The following HIF1A variants were observed in gnomAD, a reference collection of about 807,000 sequenced individuals.
HIF1A encodes the protein hypoxia-inducible factor 1-alpha.
A neutral mutation model predicts 92.7 loss-of-function variants in HIF1A; 24 were observed. The ratio of observed to expected loss-of-function variants is 0.26; its 90% confidence interval spans 0.19 to 0.36. The LOEUF (loss-of-function observed/expected upper bound fraction) is 0.36. Ranked by LOEUF, HIF1A falls within the 10% of genes least tolerant of loss-of-function variation. The probability of loss-of-function intolerance (pLI) is 1.00; values close to 1 mark genes in which losing one functional copy is unlikely to be tolerated. For missense variants in HIF1A, 799 were observed against 998.5 expected, an observed-to-expected ratio of 0.80 and a Z score of 2.69; for synonymous variants, 319 against 338.7, an observed-to-expected ratio of 0.94 and a Z score of 0.64.
intron 10 of HIF1A, among the ~76,000 whole-genome samples, chr14:61,739,247 C>A (rs1431542056): frequency 6.6e-6 from 1 of 152,082 alleles, no homozygotes; most frequent in Non-Finnish European, 1.5e-5. Context: ...TATTCTGGAT[C>A]TGTCTTGATA....
intron 7 of HIF1A, among the ~76,000 whole-genome samples, chr14:61,733,164 C>T (rs1326495910): frequency 6.6e-6 from 1 of 152,142 alleles, no homozygotes; most frequent in African/African-American, 2.4e-5. Context: ...CAGCTCACTG[C>T]AACCCCCGCC....
chr14:61,695,637 G>A lies in HIF1A; in HGVS notation c.-168G>A. On this transcript the variant is annotated 5_prime_UTR_variant, in exon 1 of 15. Coordinates refer to ENST00000337138, the MANE Select transcript of HIF1A (RefSeq NM_001530.4). ...GGCTCGGAGCCGGGCCCGGACCCCG[G>A]CGATTGCCGCCCGCTTCTCTCTAGT... The A allele has an allele frequency of 1.4e-6, 1 of 710,530 alleles. No homozygotes were observed. The highest frequency in any genetic ancestry group is 2.3e-6 in the Non-Finnish European group (1 of 434,566). The allele number at this position is 710,530 out of a possible 1,614,324, so 44.0% of individuals were successfully genotyped here. A position where few individuals can be genotyped will look rare whatever the true frequency, so the allele number is the denominator to read the frequency against.
chr14:61,705,707 C>A (rs1251342853), intron 1 of HIF1A, among the ~76,000 whole-genome samples: 1 of 152,158 alleles, frequency 6.6e-6, no homozygotes, highest in Non-Finnish European at 1.5e-5. Context: ...AGATCTGCCA[C>A]ACACTAATAG....
At chr14:61,708,091 A>T (rs935750019) in intron 1 of HIF1A, among the ~76,000 whole-genome samples, 2 of 152,148 alleles carry the variant, frequency 1.3e-5, no homozygotes, top group Admixed American at 6.6e-5. Context: ...GTCTTTTGGC[A>T]GCATAAATGT....
chr14:61,713,556 GC>G lies in HIF1A; in HGVS notation c.36-6824del, dbSNP rs1454230459. Among the ~76,000 whole-genome samples the G allele has an allele frequency of 7.9e-5, 12 of 152,222 alleles. 1 individual carries two copies. The highest frequency in any genetic ancestry group is 6.8e-3 in the Middle Eastern group (2 of 294). ...ATTTCAGTAGACTAAGGAGTGGGAG[GC>G]CATTTAAGCTCAAAGGCTATTCTAC... On this transcript the variant is annotated intron_variant, in intron 1 of 14. Transcript: ENST00000337138.
chr14:61,733,839 A>C (rs1007679277), intron 7 of HIF1A, among the ~76,000 whole-genome samples: 29 of 152,186 alleles, frequency 1.9e-4, no homozygotes, highest in African/African-American at 7.0e-4. Flanking sequence ...ATTATTCTCT[A>C]ATCTGACACC....
At chr14:61,728,461 T>A (rs1811352980) in intron 6 of HIF1A, among the ~76,000 whole-genome samples, 1 of 152,232 alleles carries the variant, frequency 6.6e-6, no homozygotes. Context: ...GTAAACTAAG[T>A]ATTACTGTAA....
intron 14 of HIF1A, among the ~76,000 whole-genome samples, 181 bp downstream of exon 14, chr14:61,745,998 C>T (rs2044779404): frequency 1.3e-5 from 2 of 152,002 alleles, no homozygotes; most frequent in African/African-American, 2.4e-5. Context: ...CCGAGGCAGC[C>T]AGATCATCTG....
chr14:61,714,228 C>T (rs944506779), intron 1 of HIF1A, among the ~76,000 whole-genome samples: 2 of 152,156 alleles, frequency 1.3e-5, no homozygotes, highest in African/African-American at 4.8e-5. Context: ...TCTGTGAAAA[C>T]ACTCAGGTTA....
chr14:61,738,296 C>G lies in HIF1A; in HGVS notation c.1459C>G (p.Leu487Val). ...AGAACCAAATCCAGAGTCACTGGAACTTTCTTTTACCATGCCCCAGATTCA... is the reference window on the plus strand; with the variant it reads ...AGAACCAAATCCAGAGTCACTGGAAGTTTCTTTTACCATGCCCCAGATTCA... ...KLEPNPESLE[L>V]SFTMPQIQDQ... is the part of the protein sequence containing the mutation. The change falls in exon 10 of 15, where the codon CTT becomes GTT. Residue 487 changes from leucine to valine, a missense_variant. Around this residue, in one of 2 missense-constraint regions of HIF1A, gnomAD observed 516 missense variants for 721.0 expected, o/e 0.72. Coordinates refer to ENST00000337138, the MANE Select transcript of HIF1A (RefSeq NM_001530.4). The G allele has an allele frequency of 1.2e-6, 2 of 1,614,116 alleles. No individual in the cohort carries two copies. The highest frequency in any genetic ancestry group is 1.7e-6 in the Non-Finnish European group (2 of 1,179,972).
chr14:61,715,464 C>T (rs2044353330), intron 1 of HIF1A: 1 of 152,110 alleles, frequency 6.6e-6, no homozygotes, highest in Non-Finnish European at 1.5e-5. Flanking sequence ...AAATACTTGC[C>T]TTGGTAATCA....
chr14:61,704,481 G>C (rs1276855758), intron 1 of HIF1A, among the ~76,000 whole-genome samples: 5 of 152,092 alleles, frequency 3.3e-5, no homozygotes, highest in Non-Finnish European at 7.4e-5. Flanking sequence ...TAAAGGAGGG[G>C]GAAATTAAGA....
In HIF1A at chr14:61,747,276, T is replaced by C; in HGVS notation, c.*191T>C. On this transcript the variant is annotated 3_prime_UTR_variant, in exon 15 of 15. Coordinates refer to ENST00000337138, the MANE Select transcript of HIF1A (RefSeq NM_001530.4). ...TTTTAGTATGTTCTTTAATGCTGGA[T>C]CACAGACAGCTCATTTTCTCAGTTT... The C allele has an allele frequency of 2.4e-6, 1 of 408,436 alleles. No individual in the cohort carries two copies. The highest frequency in any genetic ancestry group is 3.7e-5 in the East Asian group (1 of 27,000). 25.3% of individuals were successfully genotyped at this position (408,436 alleles called of 1,614,324 possible).
Position 61,695,722 on chromosome 14 carries a change from C to T in HIF1A, c.-83C>T, listed in dbSNP as rs2044104666. 1 of 1,450,274 alleles carries T rather than the reference C, an allele frequency of 6.9e-7. No individual in the cohort carries two copies. The highest frequency in any genetic ancestry group is 1.2e-5 in the South Asian group (1 of 81,750). 89.8% of individuals were successfully genotyped at this position (1,450,274 alleles called of 1,614,324 possible). ...CTGGACTTGCCTTTCCTTCTCTTCT[C>T]CGCGTGTGGAGGGAGCCAGCGCTTA... On this transcript the variant is annotated 5_prime_UTR_variant, in exon 1 of 15. Transcript: ENST00000337138.
intron 1 of HIF1A, among the ~76,000 whole-genome samples, chr14:61,709,480 C>A (rs2044282198): frequency 6.6e-6 from 1 of 151,930 alleles, no homozygotes; most frequent in Admixed American, 6.5e-5. Context: ...AACAGTGATT[C>A]TTTTCCCCGT....
At chr14:61,719,135 C>T (rs947372572) in intron 1 of HIF1A, among the ~76,000 whole-genome samples, 7 of 152,110 alleles carry the variant, frequency 4.6e-5, no homozygotes, top group African/African-American at 1.7e-4. Flanking sequence ...GGAGACAATT[C>T]GGTACTTCAT....
chr14:61,713,159 G>A (rs150569049), intron 1 of HIF1A, among the ~76,000 whole-genome samples: 3 of 152,056 alleles, frequency 2.0e-5, no homozygotes, highest in Non-Finnish European at 4.4e-5. Flanking sequence ...ATAAAGAGGT[G>A]GACAGGGAAC....
chr14:61,741,532 A>AT (rs1344991863), intron 12 of HIF1A, among the ~76,000 whole-genome samples: 1 of 150,784 alleles, frequency 6.6e-6, no homozygotes, highest in Non-Finnish European at 1.5e-5. Flanking sequence ...CGCCCGGCTG[A>AT]TTTTTTTGGT....
intron 13 of HIF1A, 37 bp from the exon 14 acceptor site, chr14:61,745,654 C>A: frequency 6.3e-7 from 1 of 1,582,258 alleles, no homozygotes; most frequent in South Asian, 1.2e-5. Context: ...AAAAAAAATT[C>A]AACAAACTAA....
Sources: gnomAD v4.1 joint callset for allele counts (sites outside exome capture counted in the v4.1 genomes callset) on GRCh38, gnomAD v4.1.1 for gene constraint, gnomAD v4.1.1 regional missense constraint, MANE v1.5 for transcripts, NCBI Gene and HGNC (gene_info 2026-07-23, HGNC 2026-07-21) for gene names.